The following KIF14 variants were observed in gnomAD, a reference collection of about 807,000 sequenced individuals.
KIF14 encodes kinesin family member 14, also known as kinesin-like protein KIF14.
In KIF14, 98 loss-of-function variants were observed where a neutral mutation model predicts 176.2. That is an observed-to-expected ratio of 0.56 (90% CI 0.47 to 0.66). The LOEUF is 0.66. KIF14 is among the 30% of genes least tolerant of loss of function. The pLI is 0.00. For synonymous variants in KIF14, 566 were observed against 632.2 expected (o/e 0.90, Z 1.57); for missense variants, 1,751 against 1,920.4 (o/e 0.91, Z 1.65).
Position 200,569,987 on chromosome 1 carries a change from C to T in KIF14, c.3585G>A (p.Lys1195=). 6.3e-7 allele frequency: 1 copy of T among 1,596,416 alleles called. No homozygotes were observed. Among genetic ancestry groups the T allele is most frequent in the African/African-American group, 1.3e-5 (1 of 74,782 alleles). The part of the protein sequence containing the change: ...LSRRRSRSLM[K]NRRISGCLHD... ...GTAAACAACCAGAAATTCTTCTGTT[C>T]TTCATCAAACTCCTACTCCTGAAAA... Residue 1195 remains lysine (K), a synonymous_variant, in exon 23 of 30, where the codon AAG becomes AAA. Transcript: ENST00000367350.
At chr1:200,613,705 A>C (rs1218457214) in intron 4 of KIF14, among the ~76,000 whole-genome samples, 1 of 152,226 alleles carries the variant, frequency 6.6e-6, no homozygotes, top group Non-Finnish European at 1.5e-5. Context: ...ATACACATAC[A>C]CATGCACATA....
In KIF14 at chr1:200,600,107, C is replaced by A; in HGVS notation, c.2307G>T (p.Trp769Cys). 6.3e-7 allele frequency: 1 copy of A among 1,596,992 alleles called. No homozygotes were observed. Among genetic ancestry groups the A allele is most frequent in the South Asian group, 1.1e-5 (1 of 89,602 alleles). ...TTTCAGCTTGTTCAAACTTTTCTTT[C>A]CACACTCTTTCCAAAGACAAAGAAA... ...ERDMAEMQRV[W>C]KEKFEQAEKR... Residue 769 changes from tryptophan (W) to cysteine (C), a missense_variant, in exon 13 of 30, where the codon TGG becomes TGT. Coordinates refer to ENST00000367350, the MANE Select transcript of KIF14 (RefSeq NM_014875.3).
At chr1:200,592,407 A>C (rs940589111) in intron 15 of KIF14, among the ~76,000 whole-genome samples, 167 bp from the exon 16 acceptor site, 6 of 152,124 alleles carry the variant, frequency 3.9e-5, no homozygotes, top group Non-Finnish European at 5.9e-5. Flanking sequence ...ACAGAGTCTC[A>C]CTATGTCACC....
Position 200,618,592 on chromosome 1 carries a change from C to CA in KIF14, c.131dup (p.Met44IlefsTer5), listed in dbSNP as rs760657829. On this transcript the variant is annotated frameshift_variant, in exon 2 of 30. Coordinates refer to ENST00000367350, the MANE Select transcript of KIF14 (RefSeq NM_014875.3). LOFTEE classifies it high-confidence loss of function. ...ATGGATCATCATTTTCACATTCTGA[C>CA]ATATCCGACTTCAAATGCAGCTTAA... The CA allele has an allele frequency of 2.5e-6, 4 of 1,614,110 alleles. No individual in the cohort carries two copies. The highest frequency in any genetic ancestry group is 3.4e-6 in the Non-Finnish European group (4 of 1,180,020).
At chr1:200,603,714 A>G in intron 9 of KIF14, 125 bp downstream of exon 9, 1 of 624,750 alleles carries the variant, frequency 1.6e-6, no homozygotes. Context: ...AACCACAGCA[A>G]TGCAGTCTAT....
chr1:200,576,251 G>A (rs1658097436), intron 21 of KIF14, among the ~76,000 whole-genome samples: 1 of 151,948 alleles, frequency 6.6e-6, no homozygotes, highest in Non-Finnish European at 1.5e-5. Flanking sequence ...GGCCGAGGCG[G>A]GCGGATCACG....
chr1:200,556,908 A>C (rs1656861015), intron 27 of KIF14, among the ~76,000 whole-genome samples: 1 of 152,268 alleles, frequency 6.6e-6, no homozygotes, highest in African/African-American at 2.4e-5. Flanking sequence ...TATGGAACTG[A>C]AATCAGCCTC....
At chr1:200,596,888 C>CTTTTTT (rs993346438) in intron 14 of KIF14, among the ~76,000 whole-genome samples, 15 of 99,212 alleles carry the variant, frequency 1.5e-4, no homozygotes, top group Non-Finnish European at 1.9e-4. Flanking sequence ...CTCTCTCTCT[C>CTTTTTT]TTTTTTTTTT....
Position 200,568,927 on chromosome 1 carries a change from T to G in KIF14, c.3661+984A>C, listed in dbSNP as rs1008903997. Among the ~76,000 whole-genome samples, 210 of 149,566 alleles carry G rather than the reference T, an allele frequency of 1.4e-3. 1 individual carries two copies. Among genetic ancestry groups the G allele is most frequent in the African/African-American group, 4.7e-3 (192 of 40,622 alleles). ...CTATTGTTAGCAGGTAGTAATTTTT[T>G]TTTTTTTTTTTTTTTGAGATGGAGT... On this transcript the variant is annotated intron_variant, in intron 23 of 29. Coordinates refer to ENST00000367350, the MANE Select transcript of KIF14 (RefSeq NM_014875.3).
chr1:200,580,199 CTT>C (rs199965747), intron 21 of KIF14, 53 bp downstream of exon 21: 27,934 of 968,142 alleles, frequency 0.029, 472 homozygotes, highest in Middle Eastern at 0.048. Flanking sequence ...GGTACTTGAA[CTT>C]TTATACTTTT....
At chr1:200,594,467 TA>T (rs1043843671) in intron 14 of KIF14, among the ~76,000 whole-genome samples, 19 of 152,010 alleles carry the variant, frequency 1.2e-4, no homozygotes, top group South Asian at 2.1e-4. Context: ...TTTAATTTTC[TA>T]AGCTTCTGGT....
At position 200,560,749 on chromosome 1, in the gene KIF14, G is replaced by A. The variant is rs530553374; in HGVS notation, c.4203C>T (p.Asn1401=). The change falls in exon 26 of 30, where the codon AAC becomes AAT. Residue 1401 remains asparagine (N), a synonymous_variant. Coordinates refer to ENST00000367350, the MANE Select transcript of KIF14 (RefSeq NM_014875.3). ...LKGSKLHFLE[N]GNNKAASVQE... is the part of the protein sequence containing the mutation. ...GGACACTGGCAGCTTTATTGTTACC[G>A]TTTTCTAGAAAATGTAGCTTGCTCC... 1.7e-5 allele frequency: 27 copies of A among 1,614,106 alleles called. No homozygotes were observed. Among genetic ancestry groups the A allele is most frequent in the South Asian group, 1.6e-4 (15 of 91,088 alleles).
chr1:200,600,232 TG>T, intron 12 of KIF14, 119 bp from the exon 13 acceptor site: 1 of 1,201,378 alleles, frequency 8.3e-7, no homozygotes, highest in Non-Finnish European at 1.2e-6. Flanking sequence ...TATGATAATC[TG>T]GGAGTGGGCT....
rs138352315 is a variant in KIF14 at position 200,618,552 on chromosome 1, C to A, written c.172G>T (p.Gly58Cys). ...ENDDPLLRSA[G>C]KVRDINRTYV... ...GTTCTATTTATGTCTCTGACTTTAC[C>A]TGCAGATCTCAATAATGGATCATCA... Residue 58 changes from glycine to cysteine, a missense_variant, in exon 2 of 30, where the codon GGT becomes TGT. Coordinates refer to ENST00000367350, the MANE Select transcript of KIF14 (RefSeq NM_014875.3). The A allele has an allele frequency of 1.2e-6, 2 of 1,614,134 alleles. No individual in the cohort carries two copies. The highest frequency in any genetic ancestry group is 3.3e-5 in the Admixed American group (2 of 60,016).
At chr1:200,614,291 A>G (rs765053957) in intron 4 of KIF14, 27 bp downstream of exon 4, 3 of 1,236,610 alleles carry the variant, frequency 2.4e-6, no homozygotes, top group Non-Finnish European at 3.5e-6. Flanking sequence ...CTCTGAAAAG[A>G]AGCTTGCAGG....
intron 22 of KIF14, among the ~76,000 whole-genome samples, chr1:200,570,656 A>G (rs140351448): frequency 1.3e-5 from 2 of 152,340 alleles, no homozygotes; most frequent in East Asian, 3.9e-4. Context: ...TGGTCTTTGC[A>G]TGTCAATAAA....
At position 200,606,766 on chromosome 1, in the gene KIF14, T is replaced by C. The variant is rs1659902325; in HGVS notation, c.1587A>G (p.Pro529=). 1.2e-6 allele frequency: 2 copies of C among 1,613,628 alleles called. No individual in the cohort carries two copies. The highest frequency in any genetic ancestry group is 1.3e-5 in the African/African-American group (1 of 75,036). ...CTTACATTGACAGTGCTTCAACATA[T>C]GGTCCATAAACAGGATGTTCCCTCA... ...LRVREHPVYG[P]YVEALSMNIV... is the part of the protein sequence containing the mutation. Residue 529 remains proline, a synonymous_variant, in exon 6 of 30, where the codon CCA becomes CCG. Coordinates refer to ENST00000367350, the MANE Select transcript of KIF14 (RefSeq NM_014875.3).
chr1:200,578,607 T>C (rs1658261837), intron 21 of KIF14, among the ~76,000 whole-genome samples: 1 of 151,876 alleles, frequency 6.6e-6, no homozygotes, highest in African/African-American at 2.4e-5. Flanking sequence ...ATGCAGGGGT[T>C]GTACAATGTT....
Position 200,603,283 on chromosome 1 carries a change from G to T in KIF14, c.1922C>A (p.Ser641Ter). The T allele has an allele frequency of 6.2e-7, 1 of 1,609,202 alleles. No homozygotes were observed. The highest frequency in any genetic ancestry group is 8.5e-7 in the Non-Finnish European group (1 of 1,176,738). Residue 641 changes from serine to a stop codon, truncating the protein, a stop_gained, in exon 10 of 30, where the codon TCG becomes TAG. Transcript: ENST00000367350. LOFTEE classifies it high-confidence loss of function. Reference sequence around the variant, plus strand: ...AACACTCCTTTGGTTTGCTTGTTCCGAAAGTGCAGATATAACTTTTCCCAA... The same window carrying T: ...AACACTCCTTTGGTTTGCTTGTTCCTAAAGTGCAGATATAACTTTTCCCAA... ...LTLGKVISAL[S>*]EQANQRSVFI...
Sources: allele counts gnomAD v4.1 joint callset (sites outside exome capture counted in the v4.1 genomes callset), GRCh38; gene constraint gnomAD v4.1.1; transcripts MANE v1.5; gene names NCBI Gene and HGNC (gene_info 2026-07-23, HGNC 2026-07-21).